The following RNF217 variants were observed in gnomAD, a reference collection of about 807,000 sequenced individuals.
The protein encoded by RNF217 is E3 ubiquitin-protein ligase RNF217.
In RNF217, 31 loss-of-function variants were observed where a neutral mutation model predicts 57.8. The ratio of observed to expected loss-of-function variants is 0.54; its 90% CI spans 0.40 to 0.72. RNF217 has a LOEUF of 0.72. Among genes scored for constraint, RNF217 ranks in the 30% least tolerant of loss-of-function variants. The probability of loss-of-function intolerance (pLI) is 0.00; values close to 1 mark genes in which losing one functional copy is unlikely to be tolerated. For synonymous variants in RNF217, 313 were observed against 294.0 expected (o/e 1.06, Z -0.66); for missense variants, 696 against 708.3 (o/e 0.98, Z 0.20).
At chr6:125,077,562 C>T (rs1788424821) in intron 4 of RNF217, among the ~76,000 whole-genome samples, 1 of 152,102 alleles carries the variant, frequency 6.6e-6, no homozygotes, top group African/African-American at 2.4e-5. Context: ...GACACCTGCC[C>T]ATAAACAAAT....
chr6:124,963,052 G>A lies in RNF217; in HGVS notation c.508G>A (p.Glu170Lys). The change falls in exon 1 of 6, where the codon GAG (glutamate) becomes AAG (lysine). Residue 170 changes from glutamate (E) to lysine (K), a missense_variant. Glu to Lys is a moderately conservative substitution (Grantham distance 56, BLOSUM62 1). Coordinates refer to ENST00000521654, the MANE Select transcript of RNF217 (RefSeq NM_001286398.3). ...AGTCTTCTGCTCCGTGTACTGCGTG[G>A]AGAGCGACCTGCCCGAGGCCCCCGC... ...RQVFCSVYCV[E>K]SDLPEAPASE... 2.5e-6 allele frequency: 4 copies of A among 1,578,108 alleles called. No homozygotes were observed. Among genetic ancestry groups the A allele is most frequent in the Non-Finnish European group, 3.4e-6 (4 of 1,170,444 alleles).
At chr6:124,981,561 T>C (rs1454883068) in intron 1 of RNF217, among the ~76,000 whole-genome samples, 2 of 152,180 alleles carry the variant, frequency 1.3e-5, no homozygotes, top group African/African-American at 2.4e-5. Flanking sequence ...TACAATTTAG[T>C]CTGGCTCAGT....
At chr6:125,037,094 C>G (rs1786663588) in intron 1 of RNF217, among the ~76,000 whole-genome samples, 1 of 149,698 alleles carries the variant, frequency 6.7e-6, no homozygotes, top group Non-Finnish European at 1.5e-5. Flanking sequence ...AAAAAAAGTC[C>G]TGCCCACTGC....
At chr6:125,002,254 A>G (rs929335255) in intron 1 of RNF217, among the ~76,000 whole-genome samples, 1 of 151,974 alleles carries the variant, frequency 6.6e-6, no homozygotes, top group Non-Finnish European at 1.5e-5. Flanking sequence ...GCTGCTGAGG[A>G]ATTTAGCTGC....
chr6:125,016,103 A>G (rs1405105146), intron 1 of RNF217, among the ~76,000 whole-genome samples: 2 of 152,130 alleles, frequency 1.3e-5, no homozygotes, highest in African/African-American at 4.8e-5. Flanking sequence ...ATAAGGGGGA[A>G]AGGGTCTGGT....
At chr6:125,060,761 AT>A (rs1435307564) in intron 3 of RNF217, among the ~76,000 whole-genome samples, 2 of 152,148 alleles carry the variant, frequency 1.3e-5, no homozygotes, top group South Asian at 2.1e-4. Flanking sequence ...TGATTTCCAA[AT>A]GATTTGTTTA....
At chr6:125,008,988 A>G (rs919305316) in intron 1 of RNF217, 7 of 281,484 alleles carry the variant, frequency 2.5e-5, no homozygotes, top group African/African-American at 1.5e-4. Context: ...CCCTGGTTTA[A>G]TGGTTGAAAA....
At chr6:125,009,336 A>G (rs1197859637) in intron 1 of RNF217, 2 of 1,217,654 alleles carry the variant, frequency 1.6e-6, no homozygotes, top group Non-Finnish European at 2.4e-6. Flanking sequence ...GAGCCCTTGT[A>G]ATCTCTTCAA....
chr6:125,014,805 T>C (rs1286584855), intron 1 of RNF217, among the ~76,000 whole-genome samples: 1 of 152,170 alleles, frequency 6.6e-6, no homozygotes, highest in African/African-American at 2.4e-5. Context: ...ATTAATACCA[T>C]TTAATGTCAA....
intron 1 of RNF217, among the ~76,000 whole-genome samples, chr6:125,005,233 T>C (rs1301581883): frequency 2.0e-5 from 3 of 152,310 alleles, no homozygotes; most frequent in East Asian, 3.9e-4. Flanking sequence ...ATAACTACTA[T>C]GGAAAGGACT....
intron 2 of RNF217, chr6:125,048,392 C>A: frequency 1.7e-6 from 1 of 600,052 alleles, no homozygotes; most frequent in Non-Finnish European, 2.6e-6. Flanking sequence ...TACATTGCAT[C>A]ATGAGGCAAC....
In RNF217 at chr6:124,992,735, C is replaced by T. The variant is rs145038563; in HGVS notation, c.882+29309C>T. Reference sequence around the variant, plus strand: ...AAGAATAATTCTTTAGCAGAACATTCTTTGTTGTAATGATTTTTTTTGTCA... The same window carrying T: ...AAGAATAATTCTTTAGCAGAACATTTTTTGTTGTAATGATTTTTTTTGTCA... On this transcript the variant is annotated intron_variant, in intron 1 of 5. Coordinates refer to ENST00000521654, the MANE Select transcript of RNF217 (RefSeq NM_001286398.3). 8.2e-3 allele frequency among the ~76,000 whole-genome samples: 1,250 copies of T among 152,030 alleles called. 16 individuals carry two copies. Among genetic ancestry groups the T allele is most frequent in the African/African-American group, 0.029 (1,193 of 41,490 alleles).
intron 1 of RNF217, among the ~76,000 whole-genome samples, chr6:125,041,364 C>T (rs1187733932): frequency 6.6e-6 from 1 of 152,060 alleles, no homozygotes. Context: ...ACTTTTATTC[C>T]TCTGCAGTCT....
In RNF217 at chr6:125,077,525, G is replaced by A. The variant is rs746882912; in HGVS notation, c.1483+667G>A. ...TCATACACAACCCCTTCCCACACTG[G>A]TACACAAGTATGCAAATAGAAACAC... On this transcript the variant is annotated intron_variant, in intron 4 of 5. Coordinates refer to ENST00000521654, the MANE Select transcript of RNF217 (RefSeq NM_001286398.3). Among the ~76,000 whole-genome samples the A allele has an allele frequency of 2.0e-5, 3 of 151,994 alleles. 1 individual carries two copies. The highest frequency in any genetic ancestry group is 4.4e-5 in the Non-Finnish European group (3 of 68,012).
chr6:124,965,638 C>CG lies in RNF217; in HGVS notation c.882+2215dup, dbSNP rs201731528. ...CAACAAAAAGATGAGTCATAGATAC[C>CG]GGGCATGCTTTCACCTCAGGGCTTT... On this transcript the variant is annotated intron_variant, in intron 1 of 5. Coordinates refer to ENST00000521654, the MANE Select transcript of RNF217 (RefSeq NM_001286398.3). Among the ~76,000 whole-genome samples the CG allele has an allele frequency of 6.8e-3, 1,031 of 152,052 alleles. 10 individuals are homozygous for CG. The highest frequency in any genetic ancestry group is 0.024 in the African/African-American group (988 of 41,490).
chr6:125,035,001 C>T (rs1786543083), intron 1 of RNF217, among the ~76,000 whole-genome samples: 2 of 151,494 alleles, frequency 1.3e-5, no homozygotes, highest in South Asian at 4.2e-4. Flanking sequence ...CTCTGTTTGT[C>T]TGTTATTGGT....
At chr6:125,010,257 A>G (rs917752336) in intron 1 of RNF217, among the ~76,000 whole-genome samples, 3 of 152,118 alleles carry the variant, frequency 2.0e-5, no homozygotes, top group Admixed American at 2.0e-4. Flanking sequence ...TTTCCTCTTA[A>G]GAATTGCCAG....
chr6:124,969,017 G>C (rs912566767), intron 1 of RNF217, among the ~76,000 whole-genome samples: 1 of 152,122 alleles, frequency 6.6e-6, no homozygotes, highest in Non-Finnish European at 1.5e-5. Flanking sequence ...ATTTTCCCCA[G>C]CTTTATCTGA....
chr6:125,053,133 G>C (rs1011819014), intron 2 of RNF217, among the ~76,000 whole-genome samples: 1 of 152,142 alleles, frequency 6.6e-6, no homozygotes, highest in Non-Finnish European at 1.5e-5. Flanking sequence ...ATTGTTGAAG[G>C]CCACATTCTC....
Sources: gnomAD v4.1 joint callset for allele counts (sites outside exome capture counted in the v4.1 genomes callset) on GRCh38, gnomAD v4.1.1 for gene constraint, MANE v1.5 for transcripts, NCBI Gene and HGNC (gene_info 2026-07-23, HGNC 2026-07-21) for gene names.